Variants in LRPPRC observed in about 807,000 individuals in gnomAD.
The protein encoded by LRPPRC is leucine-rich PPR motif-containing protein, mitochondrial.
LRPPRC carries 120 observed loss-of-function variants against 180.3 expected under a neutral mutation model. The ratio of observed to expected loss-of-function variants is 0.67; its 90% CI spans 0.57 to 0.77. The LOEUF is 0.77. LRPPRC is among the 30% of genes least tolerant of loss of function. LRPPRC has a pLI of 0.00. For missense variants in LRPPRC, 2,012 were observed against 1,657.2 expected, an observed-to-expected ratio of 1.21 and a Z score of -3.72; for synonymous variants, 723 against 600.0, an observed-to-expected ratio of 1.21 and a Z score of -3.00.
intron 30 of LRPPRC, among the ~76,000 whole-genome samples, chr2:43,910,688 G>T (rs1167467981): frequency 1.3e-5 from 2 of 152,084 alleles, no homozygotes; most frequent in Non-Finnish European, 2.9e-5. Flanking sequence ...TTGGGCTATG[G>T]AGTAAAATGT....
chr2:43,891,693 G>A (rs954599016), intron 36 of LRPPRC, among the ~76,000 whole-genome samples: 3 of 152,124 alleles, frequency 2.0e-5, no homozygotes, highest in Non-Finnish European at 4.4e-5. Flanking sequence ...ATTGAAATTA[G>A]GCCAATTAAA....
chr2:43,977,016 C>T lies in LRPPRC; in HGVS notation c.628G>A (p.Val210Ile), dbSNP rs770423158. 8.7e-6 allele frequency: 14 copies of T among 1,613,428 alleles called. No individual in the cohort carries two copies. Among genetic ancestry groups the T allele is most frequent in the South Asian group, 2.2e-5 (2 of 91,054 alleles). Residue 210 changes from valine to isoleucine, a missense_variant, in exon 5 of 38, where the codon GTA (valine) becomes ATA (isoleucine). By Grantham distance (29) the Val-to-Ile change is conservative. Transcript: ENST00000260665. ...YQRLIASYCNVGDIEGASKIL... is the reference protein window; with the variant it reads ...YQRLIASYCNIGDIEGASKIL... The stretch of plus-strand genomic sequence containing the variant: ...TACCTGGCACCTTCAATATCTCCTA[C>T]ATTACAATAAGAAGCAATCAATCTC...
intron 11 of LRPPRC, among the ~76,000 whole-genome samples, chr2:43,972,045 A>G (rs966074118): frequency 2.6e-5 from 4 of 152,228 alleles, no homozygotes; most frequent in African/African-American, 9.6e-5. Context: ...AACAGCAGCT[A>G]AGAATTTTTA....
At chr2:43,974,096 A>G in intron 9 of LRPPRC, 54 bp downstream of exon 9, 1 of 1,509,656 alleles carries the variant, frequency 6.6e-7, no homozygotes, top group Non-Finnish European at 9.2e-7. Context: ...TACTTTAAAG[A>G]ATCTTATTTC....
In LRPPRC at chr2:43,974,641, C is replaced by G. The variant is rs775570512; in HGVS notation, c.982G>C (p.Val328Leu). The G allele has an allele frequency of 5.0e-6, 8 of 1,605,818 alleles. No individual in the cohort carries two copies. The highest frequency in any genetic ancestry group is 6.8e-6 in the Non-Finnish European group (8 of 1,173,066). The change falls in exon 8 of 38, where the codon GTT becomes CTT. Residue 328 changes from valine (V) to leucine (L), a missense_variant. Transcript: ENST00000260665. ...GGAATATATCTTCTTTCACATGTAA[C>G]TTTTTCCAAAATTTCTGAGACATAC... ...PQYVSEILEK[V>L]TCERRYIPDA...
intron 25 of LRPPRC, among the ~76,000 whole-genome samples, chr2:43,927,574 AATGTCAATAT>A (rs1347008075): frequency 6.6e-6 from 1 of 152,218 alleles, no homozygotes; most frequent in Non-Finnish European, 1.5e-5. Flanking sequence ...AAATGAAACC[AATGTCAATAT>A]ATACTAAAAG....
At chr2:43,995,530 C>A (rs1277999092) in intron 1 of LRPPRC, among the ~76,000 whole-genome samples, 1 of 152,240 alleles carries the variant, frequency 6.6e-6, no homozygotes, top group East Asian at 1.9e-4. Context: ...ACCATGGGTA[C>A]CCCGAGGGCA....
intron 2 of LRPPRC, among the ~76,000 whole-genome samples, chr2:43,980,570 A>T (rs995760773): frequency 2.3e-5 from 2 of 87,144 alleles, no homozygotes; most frequent in South Asian, 9.0e-4. Flanking sequence ...AAAAAAAAAA[A>T]GAAGAAAGAA....
At chr2:43,918,201 A>G (rs1365022167) in intron 28 of LRPPRC, 55 bp downstream of exon 28, 4 of 1,594,494 alleles carry the variant, frequency 2.5e-6, no homozygotes, top group East Asian at 2.2e-5. Flanking sequence ...AGGCTAATCT[A>G]TAACCTAATT....
chr2:43,994,845 C>T (rs1334764249), intron 1 of LRPPRC, among the ~76,000 whole-genome samples: 1 of 152,226 alleles, frequency 6.6e-6, no homozygotes, highest in Non-Finnish European at 1.5e-5. Context: ...AAACCTCAAA[C>T]CATGAGAGCA....
chr2:43,920,289 G>C (rs964957287), intron 27 of LRPPRC, among the ~76,000 whole-genome samples: 2 of 151,936 alleles, frequency 1.3e-5, no homozygotes, highest in Non-Finnish European at 2.9e-5. Context: ...GTGCGCGCCA[G>C]CACACCCCAC....
At chr2:43,989,808 T>A (rs1674690553) in intron 1 of LRPPRC, among the ~76,000 whole-genome samples, 1 of 152,240 alleles carries the variant, frequency 6.6e-6, no homozygotes, top group Non-Finnish European at 1.5e-5. Context: ...GAGTTGAATC[T>A]CAACTTGAGG....
chr2:43,980,575 A>AAG (rs1674260007), intron 2 of LRPPRC, among the ~76,000 whole-genome samples: 3 of 74,514 alleles, frequency 4.0e-5, no homozygotes, highest in African/African-American at 6.9e-5. Context: ...AAAAAAGAAG[A>AAG]AAGAAAGAAA....
At chr2:43,901,776 C>T (rs1380302282) in intron 31 of LRPPRC, 1 of 455,034 alleles carries the variant, frequency 2.2e-6, no homozygotes, top group Non-Finnish European at 4.0e-6. Flanking sequence ...ATGTTACCGA[C>T]AATATGAGTT....
intron 15 of LRPPRC, among the ~76,000 whole-genome samples, 189 bp downstream of exon 15, chr2:43,950,384 G>T (rs1481919800): frequency 6.6e-6 from 1 of 151,886 alleles, no homozygotes; most frequent in Non-Finnish European, 1.5e-5. Flanking sequence ...CCTCCCATTG[G>T]ATTCTTATCA....
In LRPPRC at chr2:43,905,703, T is replaced by C; in HGVS notation, c.3353A>G (p.Asp1118Gly). Residue 1118 changes from aspartate to glycine, a missense_variant, in exon 31 of 38, where the codon GAT (aspartate) becomes GGT (glycine). Physicochemically the swap from Asp to Gly is moderately conservative, Grantham distance 94. Coordinates refer to ENST00000260665, the MANE Select transcript of LRPPRC (RefSeq NM_133259.4). ...GCATTGTGACATACCTTTCAAATAA[T>C]CCCGCCTAACTTGCGTTATGATGAG... ...SRLIITQVRR[D>G]YLKEAVTTLK... The C allele has an allele frequency of 6.2e-7, 1 of 1,613,090 alleles. No homozygotes were observed. Among genetic ancestry groups the C allele is most frequent in the East Asian group, 2.2e-5 (1 of 44,880 alleles).
Position 43,889,635 on chromosome 2 carries a change from C to G in LRPPRC, c.4128+99G>C, listed in dbSNP as rs916231223. 5.9e-6 allele frequency: 6 copies of G among 1,014,058 alleles called. No homozygotes were observed. The Admixed American group carries it at 1.1e-4, about 18-fold the overall frequency. 62.8% of individuals were successfully genotyped at this position (1,014,058 alleles called of 1,614,324 possible). ...GAGGGCTCTTCACAGAGATCTAATCCTCATGTAATTAAGTCTTCAACTTAT... is the reference window on the plus strand; with the variant it reads ...GAGGGCTCTTCACAGAGATCTAATCGTCATGTAATTAAGTCTTCAACTTAT... On this transcript the variant is annotated intron_variant, in intron 37 of 37. Coordinates refer to ENST00000260665, the MANE Select transcript of LRPPRC (RefSeq NM_133259.4).
At chr2:43,952,198 G>GAA (rs912769014) in intron 14 of LRPPRC, among the ~76,000 whole-genome samples, 1 of 138,134 alleles carries the variant, frequency 7.2e-6, no homozygotes, top group African/African-American at 2.7e-5. Context: ...CGTCTCAAAA[G>GAA]AAAAAAAAAA....
intron 1 of LRPPRC, among the ~76,000 whole-genome samples, chr2:43,983,821 C>G (rs903440712): frequency 1.3e-5 from 2 of 152,190 alleles, no homozygotes; most frequent in East Asian, 1.9e-4. Context: ...GAGGTTTCAC[C>G]TCAAGTTTAT....
Sources: gnomAD v4.1 joint callset for allele counts (sites outside exome capture counted in the v4.1 genomes callset) on GRCh38, gnomAD v4.1.1 for gene constraint, MANE v1.5 for transcripts, NCBI Gene and HGNC (gene_info 2026-07-23, HGNC 2026-07-21) for gene names.